TNFAIP8L3: variants seen among roughly 807,000 people sequenced by gnomAD.
TNFAIP8L3 encodes the protein tumor necrosis factor alpha-induced protein 8-like protein 3.
TNFAIP8L3 carries 7 observed loss-of-function variants against 11.8 expected under a neutral mutation model. The observed-to-expected ratio is 0.59, with a 90% confidence interval of 0.34 to 1.11. The LOEUF is 1.11. Among genes scored for constraint, TNFAIP8L3 ranks in the 50% most tolerant of loss-of-function variants. The pLI is 0.03. For missense variants in TNFAIP8L3, 219 were observed against 258.6 expected (o/e 0.85, Z 1.05); for synonymous variants, 98 against 103.8 (o/e 0.94, Z 0.34).
At position 51,058,371 on chromosome 15, in the gene TNFAIP8L3, T is replaced by C; in HGVS notation, c.125A>G (p.Lys42Arg). The C allele has an allele frequency of 6.2e-7, 1 of 1,614,022 alleles. No homozygotes were observed. Among genetic ancestry groups the C allele is most frequent in the Non-Finnish European group, 8.5e-7 (1 of 1,180,012 alleles). The change falls in exon 2 of 2, where the codon AAA (lysine) becomes AGA (arginine). Residue 42 changes from lysine to arginine, a missense_variant. By Grantham distance (26) the Lys-to-Arg change is conservative. Coordinates refer to ENST00000637513, the MANE Select transcript of TNFAIP8L3 (RefSeq NM_001311175.2). ...QKKILSKIAS[K>R]TVANMLIDDT... ...ATCAATCAACATGTTGGCCACAGTT[T>C]TGCTGGCTATTTTGCTCAGAATCTT...
intron 1 of TNFAIP8L3, among the ~76,000 whole-genome samples, chr15:51,093,684 G>T (rs2065488815): frequency 6.6e-6 from 1 of 152,140 alleles, no homozygotes; most frequent in South Asian, 2.1e-4. Flanking sequence ...CTGTGGGCAC[G>T]TGAGGAGGGC....
Position 51,058,463 on chromosome 15 carries a change from T to C in TNFAIP8L3, c.53-20A>G, listed in dbSNP as rs984675104. On this transcript the variant is annotated intron_variant, in intron 1 of 1. Coordinates refer to ENST00000637513, the MANE Select transcript of TNFAIP8L3 (RefSeq NM_001311175.2). ...CAGGACCTATGGTAAAAAAAATATA[T>C]ATAAAAGTTTTAGAAATATAAGAAC... is the stretch of plus-strand genomic sequence containing the variant. 3.4e-6 allele frequency: 5 copies of C among 1,476,400 alleles called. No individual in the cohort carries two copies. Among genetic ancestry groups the C allele is most frequent in the Admixed American group, 5.0e-5 (2 of 40,162 alleles). The allele number at this position is 1,476,400 out of a possible 1,614,324, so 91.5% of individuals were successfully genotyped here.
At chr15:51,061,262 C>T (rs1008027920) in intron 1 of TNFAIP8L3, among the ~76,000 whole-genome samples, 1 of 152,130 alleles carries the variant, frequency 6.6e-6, no homozygotes, top group Non-Finnish European at 1.5e-5. Flanking sequence ...TGTCTCAGCC[C>T]CAAGTAGCTG....
At chr15:51,072,081 T>C (rs1223086577) in intron 1 of TNFAIP8L3, among the ~76,000 whole-genome samples, 1 of 152,242 alleles carries the variant, frequency 6.6e-6, no homozygotes, top group Non-Finnish European at 1.5e-5. Context: ...GGCTGGCAAC[T>C]ATCTCTTCCC....
At chr15:51,063,779 T>C (rs1165912309) in intron 1 of TNFAIP8L3, among the ~76,000 whole-genome samples, 2 of 152,130 alleles carry the variant, frequency 1.3e-5, no homozygotes, top group Non-Finnish European at 2.9e-5. Context: ...TACAGAAACA[T>C]GTGAAACAGC....
chr15:51,100,219 A>G (rs2065540859), intron 1 of TNFAIP8L3, among the ~76,000 whole-genome samples: 1 of 152,138 alleles, frequency 6.6e-6, no homozygotes. Context: ...ATATGTTGTG[A>G]TTTAAGTTTT....
chr15:51,068,816 C>T (rs540090575), intron 1 of TNFAIP8L3, among the ~76,000 whole-genome samples: 206 of 151,898 alleles, frequency 1.4e-3, no homozygotes, highest in African/African-American at 4.8e-3. Flanking sequence ...TACAGGTGTG[C>T]GCCACCACGC....
intron 1 of TNFAIP8L3, among the ~76,000 whole-genome samples, chr15:51,090,191 CAACAT>C (rs1485888024): frequency 6.6e-6 from 1 of 152,214 alleles, no homozygotes; most frequent in Non-Finnish European, 1.5e-5. Context: ...TTACCCAACA[CAACAT>C]GTCACTGTCT....
intron 1 of TNFAIP8L3, among the ~76,000 whole-genome samples, chr15:51,067,278 G>C (rs2065277516): frequency 6.6e-6 from 1 of 152,086 alleles, no homozygotes. Flanking sequence ...CTTGGGTCTG[G>C]TCCCTTCCCA....
chr15:51,094,946 C>G (rs1011660708), upstream of TNFAIP8L3, among the ~76,000 whole-genome samples: 3 of 151,678 alleles, frequency 2.0e-5, no homozygotes, highest in African/African-American at 7.2e-5. This position sits in a 1 kb window ranked among gnomAD's most constrained non-coding sequence, Gnocchi z 4.4. Flanking sequence ...ATCCCGGGGG[C>G]GGCGCCGCGC....
intron 1 of TNFAIP8L3, among the ~76,000 whole-genome samples, chr15:51,061,425 C>G (rs1595604975): frequency 6.6e-6 from 1 of 152,170 alleles, no homozygotes; most frequent in East Asian, 1.9e-4. Context: ...TAAATAGTGA[C>G]ATTTTCAAAT....
At chr15:51,096,592 TGAAAA>T (rs1424063727), upstream of TNFAIP8L3, among the ~76,000 whole-genome samples, 5 of 152,024 alleles carry the variant, frequency 3.3e-5, no homozygotes, top group Non-Finnish European at 7.4e-5. Flanking sequence ...CATTTTTTAA[TGAAAA>T]GAAAAAAGTG....
At chr15:51,105,243 T>G in exon 1 of TNFAIP8L3, 1 of 1,536,892 alleles carries the variant, frequency 6.5e-7, no homozygotes, top group Non-Finnish European at 8.8e-7. Flanking sequence ...GGAGGTCTGG[T>G]CGTTTCCCAT....
At chr15:51,077,373 C>G (rs1308273933) in intron 1 of TNFAIP8L3, among the ~76,000 whole-genome samples, 1 of 152,214 alleles carries the variant, frequency 6.6e-6, no homozygotes, top group Non-Finnish European at 1.5e-5. Context: ...CAAGGCCAGC[C>G]CTTCCCGCTG....
At chr15:51,067,290 C>A (rs1217278166) in intron 1 of TNFAIP8L3, among the ~76,000 whole-genome samples, 14 of 152,164 alleles carry the variant, frequency 9.2e-5, no homozygotes, top group Admixed American at 9.2e-4. Flanking sequence ...CCCTTCCCAA[C>A]CCTCCAGAGG....
In TNFAIP8L3 at chr15:51,094,189, C is replaced by T. The variant is rs1194974122; in HGVS notation, c.52+355G>A. Among the ~76,000 whole-genome samples, 1 of 152,212 alleles carries T rather than the reference C, an allele frequency of 6.6e-6. No individual in the cohort carries two copies. The highest frequency in any genetic ancestry group is 6.5e-5 in the Admixed American group (1 of 15,290). On this transcript the variant is annotated intron_variant, in intron 1 of 1. Transcript: ENST00000637513. This position sits in a 1 kb window ranked among gnomAD's most constrained non-coding sequence, Gnocchi z 4.4. Reference sequence around the variant, plus strand: ...GCGCCCCAGGTTCGAGGACCCGGCCCGCGCTCGGAAAGTTATTTCAAAAGG... The same window carrying T: ...GCGCCCCAGGTTCGAGGACCCGGCCTGCGCTCGGAAAGTTATTTCAAAAGG...
chr15:51,081,453 G>T (rs1471452685), intron 1 of TNFAIP8L3, among the ~76,000 whole-genome samples: 1 of 152,130 alleles, frequency 6.6e-6, no homozygotes, highest in East Asian at 1.9e-4. Context: ...TGAGAGAATG[G>T]ACTTGTCCTA....
Position 51,058,447 on chromosome 15 carries a change from T to A in TNFAIP8L3, c.53-4A>T, listed in dbSNP as rs541462333. On this transcript the variant is annotated splice_polypyrimidine_tract_variant and splice_region_variant and intron_variant, in intron 1 of 1. Coordinates refer to ENST00000637513, the MANE Select transcript of TNFAIP8L3 (RefSeq NM_001311175.2). ...TTTGAACTAAAAACATCAGGACCTATGGTAAAAAAAATATATATAAAAGTT... is the reference window on the plus strand; with the variant it reads ...TTTGAACTAAAAACATCAGGACCTAAGGTAAAAAAAATATATATAAAAGTT... 7.2e-7 allele frequency: 1 copy of A among 1,384,938 alleles called. No homozygotes were observed. Among genetic ancestry groups the A allele is most frequent in the South Asian group, 1.3e-5 (1 of 74,980 alleles). 85.8% of individuals were successfully genotyped at this position (1,384,938 alleles called of 1,614,324 possible).
At chr15:51,097,058 G>A (rs1283857482), upstream of TNFAIP8L3, among the ~76,000 whole-genome samples, 1 of 152,176 alleles carries the variant, frequency 6.6e-6, no homozygotes, top group Non-Finnish European at 1.5e-5. Flanking sequence ...CAGAGCATAT[G>A]GGATTCAAAA....
Sources: gnomAD v4.1 joint callset for allele counts (sites outside exome capture counted in the v4.1 genomes callset) on GRCh38, gnomAD v4.1.1 for gene constraint, Gnocchi (gnomAD v3.1) non-coding constraint, MANE v1.5 for transcripts, NCBI Gene and HGNC (gene_info 2026-07-23, HGNC 2026-07-21) for gene names.